CSMD1: variants seen among roughly 807,000 people sequenced by gnomAD.
The protein encoded by CSMD1 is CUB and Sushi multiple domains 1.
In CSMD1, 213 loss-of-function variants were observed where a neutral mutation model predicts 417.5. The observed-to-expected ratio is 0.51, with a 90% CI of 0.46 to 0.57. CSMD1 has a LOEUF of 0.57. Ranked by LOEUF, CSMD1 falls within the 20% of genes least tolerant of loss-of-function variation. The pLI, the probability that CSMD1 is intolerant of heterozygous loss-of-function variation, is 0.00. For missense variants in CSMD1, 6,923 were observed against 4,529.7 expected, an observed-to-expected ratio of 1.53 and a Z score of -15.17; for synonymous variants, 2,862 against 1,736.8, an observed-to-expected ratio of 1.65 and a Z score of -16.11.
chr8:3,843,805 C>T (rs116316354), intron 5 of CSMD1, among the ~76,000 whole-genome samples: 2,384 of 152,260 alleles, frequency 0.016, 59 homozygotes, highest in African/African-American at 0.053. Flanking sequence ...GAAAGTAATA[C>T]TTCCAAGGCT....
At chr8:4,147,051 T>C (rs1804180973) in intron 3 of CSMD1, among the ~76,000 whole-genome samples, 1 of 151,838 alleles carries the variant, frequency 6.6e-6, no homozygotes, top group South Asian at 2.1e-4. Context: ...GGGCTTTTCC[T>C]TCACCCTCCT....
At chr8:4,341,058 T>A (rs1800449827) in intron 3 of CSMD1, among the ~76,000 whole-genome samples, 1 of 152,026 alleles carries the variant, frequency 6.6e-6, no homozygotes, top group Admixed American at 6.6e-5. Context: ...TAAATCAACG[T>A]AAAAGGTAAA....
At chr8:4,683,786 C>G (rs916889887) in intron 1 of CSMD1, among the ~76,000 whole-genome samples, 19 of 151,958 alleles carry the variant, frequency 1.3e-4, no homozygotes, top group South Asian at 2.1e-4. Context: ...TTTCTAGGCA[C>G]TAAGGCTACA....
intron 7 of CSMD1, among the ~76,000 whole-genome samples, chr8:3,676,799 G>C (rs987943286): frequency 7.2e-5 from 11 of 152,146 alleles, no homozygotes; most frequent in Non-Finnish European, 1.6e-4. Flanking sequence ...ACTGGATAAA[G>C]AAAATGTGGC....
At chr8:4,444,517 T>C (rs1413734156) in intron 2 of CSMD1, among the ~76,000 whole-genome samples, 1 of 152,112 alleles carries the variant, frequency 6.6e-6, no homozygotes, top group African/African-American at 2.4e-5. Flanking sequence ...GACAAGTTTT[T>C]TTAGCCACGG....
At chr8:2,955,825 T>C in intron 63 of CSMD1, 57 bp from the exon 64 acceptor site, 1 of 1,497,252 alleles carries the variant, frequency 6.7e-7, no homozygotes. Flanking sequence ...AGCACATGTG[T>C]CTAGAGAAAT....
In CSMD1 at chr8:3,399,439, C is replaced by T; in HGVS notation, c.2357G>A (p.Trp786Ter). The T allele has an allele frequency of 6.2e-7, 1 of 1,609,064 alleles. No homozygotes were observed. Among genetic ancestry groups the T allele is most frequent in the Non-Finnish European group, 8.5e-7 (1 of 1,177,800 alleles). ...GYYKDSLHCE[W>*]IIEAKPGHSI... ...GTGGCCTGGTTTTGCTTCAATTATC[C>T]ATTCACAATGTAAAGAATCCTTATA... The change falls in exon 16 of 70, where the codon TGG (tryptophan) becomes TAG (stop). Residue 786 changes from tryptophan to a stop codon, truncating the protein, a stop_gained. Transcript: ENST00000635120. LOFTEE classifies it high-confidence loss of function.
chr8:3,319,974 C>T (rs969358694), intron 23 of CSMD1, among the ~76,000 whole-genome samples: 1 of 152,118 alleles, frequency 6.6e-6, no homozygotes. Context: ...AGACTTAAGT[C>T]TCTACCAGTG....
intron 39 of CSMD1, among the ~76,000 whole-genome samples, chr8:3,157,538 A>C (rs1819609485): frequency 6.6e-6 from 1 of 152,206 alleles, no homozygotes; most frequent in Non-Finnish European, 1.5e-5. Context: ...TCTGAGGCTA[A>C]AGGTCTATAC....
intron 5 of CSMD1, among the ~76,000 whole-genome samples, chr8:3,847,982 A>C (rs1803624541): frequency 6.6e-6 from 1 of 151,678 alleles, no homozygotes; most frequent in African/African-American, 2.4e-5. Flanking sequence ...TTATTTATTC[A>C]TCTCTATTCT....
intron 10 of CSMD1, among the ~76,000 whole-genome samples, chr8:3,496,162 G>C (rs1032207561): frequency 1.3e-5 from 2 of 152,132 alleles, no homozygotes; most frequent in African/African-American, 4.8e-5. Flanking sequence ...TGCGGTGTTT[G>C]GTTTTCTACT....
At chr8:3,660,178 T>G (rs1396392139) in intron 7 of CSMD1, among the ~76,000 whole-genome samples, 2 of 152,162 alleles carry the variant, frequency 1.3e-5, no homozygotes, top group East Asian at 3.9e-4. Flanking sequence ...TATACTGCAG[T>G]GGTTTAGAGT....
intron 3 of CSMD1, among the ~76,000 whole-genome samples, chr8:4,309,235 C>A (rs1172146268): frequency 2.6e-5 from 4 of 151,878 alleles, no homozygotes; most frequent in Non-Finnish European, 4.4e-5. Flanking sequence ...AAGTGCAAGA[C>A]CCATAATTTT....
At chr8:4,174,666 C>A in intron 3 of CSMD1, among the ~76,000 whole-genome samples, 1 of 130,848 alleles carries the variant, frequency 7.6e-6, no homozygotes, top group African/African-American at 3.0e-5. Flanking sequence ...GAAACAGACC[C>A]ATGCTAACAT....
chr8:3,087,897 G>C (rs7010852), intron 48 of CSMD1, among the ~76,000 whole-genome samples: 33,788 of 152,152 alleles, frequency 0.22, 4,045 homozygotes, highest in South Asian at 0.32. Flanking sequence ...AATATTCTGC[G>C]TGTTTTTTAA....
chr8:3,604,955 C>G (rs1475036705), intron 8 of CSMD1, among the ~76,000 whole-genome samples: 1 of 152,142 alleles, frequency 6.6e-6, no homozygotes, highest in Non-Finnish European at 1.5e-5. Flanking sequence ...TGGTTTCCCT[C>G]ATTTCTTCAT....
intron 1 of CSMD1, among the ~76,000 whole-genome samples, chr8:4,645,554 C>T (rs1480332728): frequency 6.7e-6 from 1 of 150,322 alleles, no homozygotes; most frequent in African/African-American, 2.5e-5. Context: ...AACATATTGC[C>T]TCATGGATAT....
chr8:4,020,232 A>G (rs2130496596), intron 4 of CSMD1, among the ~76,000 whole-genome samples: 1 of 152,330 alleles, frequency 6.6e-6, no homozygotes, highest in East Asian at 1.9e-4. Context: ...AAATAAATTG[A>G]CCAAAGACAC....
intron 7 of CSMD1, among the ~76,000 whole-genome samples, chr8:3,655,659 G>GC (rs1798064880): frequency 7.2e-6 from 1 of 139,562 alleles, no homozygotes. Context: ...TGGAGGTTGC[G>GC]TTTTTTTTTT....
Sources: allele counts gnomAD v4.1 joint callset (sites outside exome capture counted in the v4.1 genomes callset), GRCh38; gene constraint gnomAD v4.1.1; transcripts MANE v1.5; gene names NCBI Gene and HGNC (gene_info 2026-07-23, HGNC 2026-07-21).